The following PANK4 variants were observed in gnomAD, a reference collection of about 807,000 sequenced individuals.
The protein encoded by PANK4 is 4'-phosphopantetheine phosphatase.
A neutral mutation model predicts 87.9 loss-of-function variants in PANK4; 40 were observed. That is an observed-to-expected ratio of 0.46 (90% confidence interval 0.35 to 0.59). The LOEUF (loss-of-function observed/expected upper bound fraction) is 0.59, where lower values mean the gene tolerates loss of function less well. Ranked by LOEUF, PANK4 falls within the 20% of genes least tolerant of loss-of-function variation. The pLI is 0.00. For missense variants in PANK4, 926 were observed against 1,072.3 expected (o/e 0.86, Z 1.90); for synonymous variants, 524 against 467.4 (o/e 1.12, Z -1.56).
In PANK4 at chr1:2,520,206, G is replaced by T. The variant is rs1019772549; in HGVS notation, c.699+116C>A. 1.3e-4 allele frequency: 129 copies of T among 973,898 alleles called. No individual in the cohort carries two copies. The highest frequency in any genetic ancestry group is 1.9e-4 in the Non-Finnish European group (121 of 623,324). 60.3% of individuals were successfully genotyped at this position (973,898 alleles called of 1,614,324 possible). ...CCGCAGAGGCCAGAGACCCACTGAC[G>T]CGAGTCAGGAGGGAGGCCCGGAAGC... On this transcript the variant is annotated intron_variant, in intron 5 of 18. Coordinates refer to ENST00000378466, the MANE Select transcript of PANK4 (RefSeq NM_018216.4). The surrounding 1 kb of genome is among the most constrained non-coding windows in gnomAD (Gnocchi z 6.2).
chr1:2,520,924 A>G lies in PANK4; in HGVS notation c.423-18T>C. 3 of 1,542,634 alleles carry G rather than the reference A, an allele frequency of 1.9e-6. No homozygotes were observed. Among genetic ancestry groups the G allele is most frequent in the Non-Finnish European group, 2.6e-6 (3 of 1,145,870 alleles). On this transcript the variant is annotated intron_variant, in intron 3 of 18. Coordinates refer to ENST00000378466, the MANE Select transcript of PANK4 (RefSeq NM_018216.4). This position sits in a 1 kb window ranked among gnomAD's most constrained non-coding sequence, Gnocchi z 6.2. The stretch of plus-strand genomic sequence containing the variant: ...TGTCGACTCTGAAAAGGAAGCGCCA[A>G]CCCCTTAAAGAGTCTGGGCCACAGA...
intron 7 of PANK4, among the ~76,000 whole-genome samples, chr1:2,518,811 TGCA>T (rs1301032853): frequency 6.6e-6 from 1 of 152,238 alleles, no homozygotes. Flanking sequence ...GCTTCTCCCA[TGCA>T]GCGAGTCCCT....
chr1:2,510,075 C>A lies in PANK4; in HGVS notation c.2021G>T (p.Gly674Val), dbSNP rs764730514. The A allele has an allele frequency of 6.2e-7, 1 of 1,610,022 alleles. No homozygotes were observed. The highest frequency in any genetic ancestry group is 8.5e-7 in the Non-Finnish European group (1 of 1,178,538). The change falls in exon 17 of 19, where the codon GGC becomes GTC. Residue 674 changes from glycine (G) to valine (V), a missense_variant. By Grantham distance (109) the Gly-to-Val change is moderately radical. Coordinates refer to ENST00000378466, the MANE Select transcript of PANK4 (RefSeq NM_018216.4). This position sits in a 1 kb window ranked among gnomAD's most constrained non-coding sequence, Gnocchi z 4.9. ...ESLIVAERIA[G>V]MDPVVHSALQ... is the part of the protein sequence containing the mutation. ...CACTCACTGCACGACAGGGTCCATG[C>A]CCGCAATACGCTCTGCCACGATGAG...
chr1:2,525,420 T>C (rs979641753), intron 1 of PANK4, among the ~76,000 whole-genome samples: 2 of 150,176 alleles, frequency 1.3e-5, no homozygotes, highest in Non-Finnish European at 3.0e-5. Context: ...CCGAGATGAG[T>C]GCTAAGAGGG....
intron 9 of PANK4, chr1:2,516,046 T>G: frequency 2.5e-6 from 1 of 394,486 alleles, no homozygotes. Context: ...ATCCCTATAG[T>G]AACTCCCTCC....
At chr1:2,512,780 A>C in intron 13 of PANK4, 108 bp downstream of exon 13, 3 of 1,124,160 alleles carry the variant, frequency 2.7e-6, no homozygotes, top group Non-Finnish European at 4.0e-6. Flanking sequence ...CAAGCCACCA[A>C]GCGCCACGTG....
In PANK4 at chr1:2,520,857, C is replaced by T. The variant is rs775954690; in HGVS notation, c.472G>A (p.Val158Met). The part of the protein sequence containing the change: ...MTCLIKGCNF[V>M]LKNIPHEAFV... ...GCCTCATGGGGGATGTTCTTGAGCA[C>T]GAAGTTGCACCCCTTAATCAGGCAC... is the stretch of plus-strand genomic sequence containing the variant. Residue 158 changes from valine (V) to methionine (M), a missense_variant, in exon 4 of 19, where the codon GTG becomes ATG. Val to Met is a conservative substitution (Grantham distance 21). Coordinates refer to ENST00000378466, the MANE Select transcript of PANK4 (RefSeq NM_018216.4). This position sits in a 1 kb window ranked among gnomAD's most constrained non-coding sequence, Gnocchi z 6.2. The T allele has an allele frequency of 3.9e-5, 62 of 1,580,228 alleles. No homozygotes were observed. Among genetic ancestry groups the T allele is most frequent in the East Asian group, 1.1e-4 (5 of 44,606 alleles).
chr1:2,514,459 T>C lies in PANK4; in HGVS notation c.1382A>G (p.Lys461Arg). The C allele has an allele frequency of 6.2e-7, 1 of 1,607,924 alleles. No individual in the cohort carries two copies. The stretch of plus-strand genomic sequence containing the variant: ...GTCTGGCTGGCTCGCCACTGCGCGC[T>C]TCACTACCTGCCAGCGACAGAAGGA... ...CFEEALDGVV[K>R]RAVASQPDSV... Residue 461 changes from lysine to arginine, a missense_variant, in exon 11 of 19, where the codon AAG becomes AGG. By Grantham distance (26) the Lys-to-Arg change is conservative (BLOSUM62 2). Transcript: ENST00000378466.
At chr1:2,513,800 G>T (rs1007783819) in intron 12 of PANK4, among the ~76,000 whole-genome samples, 39 of 152,198 alleles carry the variant, frequency 2.6e-4, no homozygotes, top group Non-Finnish European at 5.3e-4. Flanking sequence ...CAGCATCTGT[G>T]GGGGTAACAC....
At chr1:2,512,677 A>G in intron 13 of PANK4, 1 of 573,534 alleles carries the variant, frequency 1.7e-6, no homozygotes, top group East Asian at 3.0e-5. Context: ...GGGCCTCCTC[A>G]GAACCTGAGG....
In PANK4 at chr1:2,515,857, C is replaced by A; in HGVS notation, c.1219-140G>T. 1.2e-6 allele frequency: 1 copy of A among 828,354 alleles called. No homozygotes were observed. The highest frequency in any genetic ancestry group is 1.9e-6 in the Non-Finnish European group (1 of 532,354). The allele number at this position is 828,354 out of a possible 1,614,324, so 51.3% of individuals were successfully genotyped here. On this transcript the variant is annotated intron_variant, in intron 9 of 18. Transcript: ENST00000378466. The surrounding 1 kb of genome is among the most constrained non-coding windows in gnomAD (Gnocchi z 5.0). ...CACGTCTCTGGGCCACAGACGAGAC[C>A]CCCACTGGGCCCCCTCAGCTGCCCG...
Position 2,510,084 on chromosome 1 carries a change from C to A in PANK4, c.2012G>T (p.Arg671Leu). 4 of 1,610,800 alleles carry A rather than the reference C, an allele frequency of 2.5e-6. No homozygotes were observed. In the South Asian group the frequency reaches 4.4e-5, roughly 18 times the overall value. ...THSESLIVAE[R>L]IAGMDPVVHS... Reference sequence around the variant, plus strand: ...CACGACAGGGTCCATGCCCGCAATACGCTCTGCCACGATGAGGGACTCGCT... The same window carrying A: ...CACGACAGGGTCCATGCCCGCAATAAGCTCTGCCACGATGAGGGACTCGCT... Residue 671 changes from arginine (R) to leucine (L), a missense_variant, in exon 17 of 19, where the codon CGT (arginine) becomes CTT (leucine). By Grantham distance (102) the Arg-to-Leu change is moderately radical (BLOSUM62 -2). Coordinates refer to ENST00000378466, the MANE Select transcript of PANK4 (RefSeq NM_018216.4). The surrounding 1 kb of genome is among the most constrained non-coding windows in gnomAD (Gnocchi z 4.9).
intron 1 of PANK4, among the ~76,000 whole-genome samples, chr1:2,522,992 A>G (rs1194812094): frequency 4.0e-5 from 6 of 151,792 alleles, no homozygotes; most frequent in African/African-American, 1.2e-4. Context: ...ATGGTGCTAT[A>G]GTGACTTAAC....
chr1:2,521,849 G>T, intron 1 of PANK4, 49 bp from the exon 2 acceptor site: 20 of 1,420,242 alleles, frequency 1.4e-5, no homozygotes, highest in South Asian at 2.3e-5. Flanking sequence ...GGACACAGCG[G>T]GGCCTGGGGG....
At position 2,515,341 on chromosome 1, in the gene PANK4, C is replaced by T. The variant is rs771950773; in HGVS notation, c.1374+221G>A. On this transcript the variant is annotated intron_variant, in intron 10 of 18. Coordinates refer to ENST00000378466, the MANE Select transcript of PANK4 (RefSeq NM_018216.4). The surrounding 1 kb of genome is among the most constrained non-coding windows in gnomAD (Gnocchi z 5.0). The stretch of plus-strand genomic sequence containing the variant: ...AACTATCAGCTGCCCTTAGAAGCAA[C>T]GTGCCTCGCAGACGCCACGTCCTCA... 7.0e-5 allele frequency: 49 copies of T among 698,664 alleles called. No homozygotes were observed. Among genetic ancestry groups the T allele is most frequent in the Admixed American group, 2.2e-4 (11 of 49,832 alleles). 43.3% of individuals were successfully genotyped at this position (698,664 alleles called of 1,614,324 possible). A position where few individuals can be genotyped will look rare whatever the true frequency, so the allele number is the denominator to read the frequency against.
At position 2,511,084 on chromosome 1, in the gene PANK4, G is replaced by A. The variant is rs563113789; in HGVS notation, c.1833+254C>T. ...TCAGGACCCCAGAGGCGCCAGGGAC[G>A]GATTGGCCTGCAGGGGCCAGTGCCT... On this transcript the variant is annotated intron_variant, in intron 15 of 18. Coordinates refer to ENST00000378466, the MANE Select transcript of PANK4 (RefSeq NM_018216.4). Among the ~76,000 whole-genome samples the A allele has an allele frequency of 2.2e-3, 342 of 152,258 alleles. 1 individual carries two copies. The highest frequency in any genetic ancestry group is 7.1e-3 in the African/African-American group (296 of 41,554).
Position 2,511,768 on chromosome 1 carries a change from T to C in PANK4, c.1728-85A>G, listed in dbSNP as rs915882927. 3.2e-5 allele frequency: 26 copies of C among 811,408 alleles called. No individual in the cohort carries two copies. In the African/African-American group the frequency reaches 4.4e-4, roughly 14 times the overall value. 50.3% of individuals were successfully genotyped at this position (811,408 alleles called of 1,614,324 possible). On this transcript the variant is annotated intron_variant, in intron 13 of 18. Transcript: ENST00000378466. ...GCTCAATGTGAAGACCCCAAATCCC[T>C]CCCAGGCGGGACAGAGGCAGCTGCT...
intron 3 of PANK4, 80 bp downstream of exon 3, chr1:2,521,021 G>A (rs537557080): frequency 9.8e-6 from 15 of 1,526,558 alleles, no homozygotes; most frequent in South Asian, 4.5e-5. Flanking sequence ...ACACACGAGC[G>A]CCAGGGACGC....
rs766388751 is a variant in PANK4 at position 2,521,137 on chromosome 1, T to C, written c.386A>G (p.Lys129Arg). ...CTTCTCTTCGATGAGGTCTTTGAAC[T>C]TGTAGGCCCCGCCCCCGGTCGCCTG... Reference protein sequence around the residue: ...VIQATGGGAYKFKDLIEEKLR... With the variant: ...VIQATGGGAYRFKDLIEEKLR... The change falls in exon 3 of 19, where the codon AAG (lysine) becomes AGG (arginine). Residue 129 changes from lysine to arginine, a missense_variant. Lys to Arg is a conservative substitution (Grantham distance 26). Coordinates refer to ENST00000378466, the MANE Select transcript of PANK4 (RefSeq NM_018216.4). 14 of 1,613,684 alleles carry C rather than the reference T, an allele frequency of 8.7e-6. No homozygotes were observed. In the African/African-American group the frequency reaches 1.6e-4, roughly 18 times the overall value.
Sources: allele counts gnomAD v4.1 joint callset (sites outside exome capture counted in the v4.1 genomes callset), GRCh38; gene constraint gnomAD v4.1.1; non-coding constraint Gnocchi (gnomAD v3.1); transcripts MANE v1.5; gene names NCBI Gene and HGNC (gene_info 2026-07-23, HGNC 2026-07-21).